Variants in NKAIN3 observed in about 807,000 individuals in gnomAD.
NKAIN3 encodes sodium/potassium transporting ATPase interacting 3.
In NKAIN3, 25 loss-of-function variants were observed where a neutral mutation model predicts 30.2. That is an observed-to-expected ratio of 0.83 (90% CI 0.60 to 1.16). The LOEUF is 1.16. Among genes scored for constraint, NKAIN3 ranks in the 50% most tolerant of loss-of-function variants. The pLI is 0.00. For synonymous variants in NKAIN3, 91 were observed against 89.6 expected (o/e 1.02, Z -0.09); for missense variants, 225 against 254.1 (o/e 0.89, Z 0.78).
At chr8:62,727,830 A>AT (rs1335596314) in intron 3 of NKAIN3, among the ~76,000 whole-genome samples, 2 of 152,180 alleles carry the variant, frequency 1.3e-5, no homozygotes, top group African/African-American at 4.8e-5. Flanking sequence ...GTGGATATCG[A>AT]TAAACTGTTT....
At chr8:62,466,663 A>G (rs1806174186) in intron 1 of NKAIN3, among the ~76,000 whole-genome samples, 1 of 152,218 alleles carries the variant, frequency 6.6e-6, no homozygotes, top group Non-Finnish European at 1.5e-5. Flanking sequence ...CTGCAATGTC[A>G]TCACACCAAG....
chr8:62,420,069 C>G (rs1201647713), intron 1 of NKAIN3, among the ~76,000 whole-genome samples: 2 of 152,132 alleles, frequency 1.3e-5, no homozygotes, highest in Non-Finnish European at 2.9e-5. Context: ...GGGGAGCTGT[C>G]ATGTGTCAGC....
intron 1 of NKAIN3, among the ~76,000 whole-genome samples, chr8:62,285,615 C>G (rs981647297): frequency 3.9e-5 from 6 of 152,122 alleles, no homozygotes; most frequent in African/African-American, 1.2e-4. Flanking sequence ...TCTCAGAGCT[C>G]TCTGTGTGAG....
intron 3 of NKAIN3, among the ~76,000 whole-genome samples, chr8:62,715,516 G>A (rs900580126): frequency 1.3e-5 from 2 of 152,108 alleles, no homozygotes; most frequent in Non-Finnish European, 2.9e-5. Flanking sequence ...TCATTTCCAA[G>A]GGTTCATATC....
At chr8:62,332,279 T>C (rs1585689827) in intron 1 of NKAIN3, among the ~76,000 whole-genome samples, 1 of 152,140 alleles carries the variant, frequency 6.6e-6, no homozygotes, top group Non-Finnish European at 1.5e-5. Context: ...TCCAAGAACA[T>C]ATTGCCATTC....
intron 4 of NKAIN3, among the ~76,000 whole-genome samples, chr8:62,890,403 A>G (rs560346327): frequency 6.6e-6 from 1 of 152,348 alleles, no homozygotes; most frequent in South Asian, 2.1e-4. Flanking sequence ...TTCCTCATTC[A>G]AGCCCACTGC....
chr8:62,440,112 G>A (rs1474088528), intron 1 of NKAIN3, among the ~76,000 whole-genome samples: 4 of 152,014 alleles, frequency 2.6e-5, no homozygotes, highest in Non-Finnish European at 5.9e-5. Flanking sequence ...CAATTCCAAG[G>A]TTGGGTAGTT....
At chr8:62,799,597 G>A (rs973541411) in intron 4 of NKAIN3, among the ~76,000 whole-genome samples, 1 of 152,130 alleles carries the variant, frequency 6.6e-6, no homozygotes, top group South Asian at 2.1e-4. Flanking sequence ...ACTGTTGGTG[G>A]GAATGTAAAC....
At chr8:62,434,840 G>C (rs1048600185) in intron 1 of NKAIN3, among the ~76,000 whole-genome samples, 1 of 152,120 alleles carries the variant, frequency 6.6e-6, no homozygotes, top group African/African-American at 2.4e-5. Flanking sequence ...GTAAATTAAG[G>C]AGCATAGGAG....
At chr8:62,611,410 A>G (rs898611600) in intron 3 of NKAIN3, among the ~76,000 whole-genome samples, 2 of 152,126 alleles carry the variant, frequency 1.3e-5, no homozygotes, top group African/African-American at 4.8e-5. Context: ...CTTTTAAACT[A>G]TTGTTTGTAC....
At chr8:62,561,108 G>A (rs1002471651) in intron 1 of NKAIN3, among the ~76,000 whole-genome samples, 1 of 152,074 alleles carries the variant, frequency 6.6e-6, no homozygotes, top group Non-Finnish European at 1.5e-5. Context: ...AAAGAGAGAA[G>A]GATATGGAGG....
intron 1 of NKAIN3, among the ~76,000 whole-genome samples, chr8:62,507,072 G>A (rs185220357): frequency 1.3e-5 from 2 of 152,278 alleles, no homozygotes; most frequent in East Asian, 3.9e-4. Context: ...ATGCTGCTGT[G>A]TGATCTTCTG....
chr8:62,882,643 C>T (rs2130815207), intron 4 of NKAIN3, among the ~76,000 whole-genome samples: 1 of 152,112 alleles, frequency 6.6e-6, no homozygotes. Context: ...AAAGATATTG[C>T]CATACCCAAG....
chr8:62,255,684 C>T (rs1359068317), intron 1 of NKAIN3, among the ~76,000 whole-genome samples: 1 of 152,152 alleles, frequency 6.6e-6, no homozygotes, highest in Non-Finnish European at 1.5e-5. Context: ...TTACGGGTGG[C>T]AGAAGGTTGA....
chr8:62,641,516 G>A (rs1812307851), intron 3 of NKAIN3, among the ~76,000 whole-genome samples: 1 of 152,098 alleles, frequency 6.6e-6, no homozygotes, highest in South Asian at 2.1e-4. Context: ...TTTGCTTTTT[G>A]TAGGTTTTTG....
chr8:62,295,187 G>A (rs1336067194), intron 1 of NKAIN3, among the ~76,000 whole-genome samples: 2 of 152,134 alleles, frequency 1.3e-5, no homozygotes, highest in Non-Finnish European at 2.9e-5. Flanking sequence ...GTCAGCCATT[G>A]CATACCAAAT....
At chr8:62,738,333 C>T (rs1236296211) in intron 3 of NKAIN3, among the ~76,000 whole-genome samples, 1 of 152,072 alleles carries the variant, frequency 6.6e-6, no homozygotes, top group African/African-American at 2.4e-5. Flanking sequence ...GGCACGGTGG[C>T]TCACACTTGC....
At chr8:62,820,047 G>A (rs1378376069) in intron 4 of NKAIN3, among the ~76,000 whole-genome samples, 5 of 152,002 alleles carry the variant, frequency 3.3e-5, no homozygotes, top group African/African-American at 7.2e-5. Flanking sequence ...ACCAAGGTGG[G>A]GACAGTGAGG....
chr8:62,748,537 A>G (rs1177459540), intron 4 of NKAIN3, among the ~76,000 whole-genome samples: 1 of 152,192 alleles, frequency 6.6e-6, no homozygotes, highest in Admixed American at 6.5e-5. Context: ...ACAAGGAGGC[A>G]TGGCTCTTCT....
Sources: gnomAD v4.1 joint callset for allele counts (sites outside exome capture counted in the v4.1 genomes callset) on GRCh38, gnomAD v4.1.1 for gene constraint, MANE v1.5 for transcripts, NCBI Gene and HGNC (gene_info 2026-07-23, HGNC 2026-07-21) for gene names.